UNC5D: variants seen among roughly 807,000 people sequenced by gnomAD.
The protein encoded by UNC5D is unc-5 netrin receptor D, also known as netrin receptor UNC5D.
In UNC5D, 39 loss-of-function variants were observed where a neutral mutation model predicts 105.4. The observed-to-expected ratio is 0.37, with a 90% CI of 0.29 to 0.48. UNC5D has a LOEUF of 0.48. Ranked by LOEUF, UNC5D falls within the 20% of genes least tolerant of loss-of-function variation. UNC5D has a pLI of 0.98. For synonymous variants in UNC5D, 452 were observed against 450.4 expected, an observed-to-expected ratio of 1.00 and a Z score of -0.04; for missense variants, 991 against 1,202.4, an observed-to-expected ratio of 0.82 and a Z score of 2.60.
chr8:35,429,969 A>G (rs1374372034), intron 1 of UNC5D, among the ~76,000 whole-genome samples: 1 of 152,110 alleles, frequency 6.6e-6, no homozygotes, highest in African/African-American at 2.4e-5. Context: ...TGATATTGTG[A>G]AATATATATT....
At chr8:35,291,802 A>C (rs1807086373) in intron 1 of UNC5D, among the ~76,000 whole-genome samples, 1 of 152,194 alleles carries the variant, frequency 6.6e-6, no homozygotes, top group African/African-American at 2.4e-5. Flanking sequence ...TCAGAGTGCC[A>C]CATTTTTTGT....
chr8:35,349,587 A>G (rs535182305), intron 1 of UNC5D, among the ~76,000 whole-genome samples: 1 of 152,114 alleles, frequency 6.6e-6, no homozygotes, highest in East Asian at 1.9e-4. Flanking sequence ...TAAAACAATT[A>G]TAGTCTCATT....
intron 3 of UNC5D, among the ~76,000 whole-genome samples, chr8:35,591,590 C>T (rs1055019367): frequency 6.6e-6 from 1 of 151,874 alleles, no homozygotes; most frequent in African/African-American, 2.4e-5. Flanking sequence ...TTTAAAATTC[C>T]TATTATATGT....
At chr8:35,767,171 A>C (rs750511755) in intron 15 of UNC5D, 105 bp downstream of exon 15, 16 of 1,317,896 alleles carry the variant, frequency 1.2e-5, no homozygotes, top group Non-Finnish European at 1.6e-5. Flanking sequence ...AAGAGCTTCA[A>C]AATGCACAAA....
intron 16 of UNC5D, among the ~76,000 whole-genome samples, chr8:35,782,730 C>G (rs1586638725): frequency 6.6e-6 from 1 of 152,072 alleles, no homozygotes; most frequent in Non-Finnish European, 1.5e-5. Flanking sequence ...GTCTTGAACT[C>G]CTGACCTCAT....
At chr8:35,687,986 G>C (rs1429175197) in intron 7 of UNC5D, among the ~76,000 whole-genome samples, 1 of 151,912 alleles carries the variant, frequency 6.6e-6, no homozygotes, top group Non-Finnish European at 1.5e-5. Flanking sequence ...AAAAAAATTA[G>C]CTGGGCGTGG....
intron 1 of UNC5D, among the ~76,000 whole-genome samples, chr8:35,467,808 AGT>A (rs1435637021): frequency 1.3e-5 from 2 of 152,080 alleles, no homozygotes; most frequent in East Asian, 3.9e-4. Flanking sequence ...GTAATCATGG[AGT>A]GTGTTTCTGA....
chr8:35,575,356 G>A (rs1374916444), intron 3 of UNC5D, among the ~76,000 whole-genome samples: 1 of 152,150 alleles, frequency 6.6e-6, no homozygotes, highest in African/African-American at 2.4e-5. Flanking sequence ...TTTGTTAGCT[G>A]TAGGTCATGA....
intron 1 of UNC5D, among the ~76,000 whole-genome samples, chr8:35,286,517 G>A (rs1006444381): frequency 6.6e-6 from 1 of 152,114 alleles, no homozygotes; most frequent in African/African-American, 2.4e-5. Context: ...CTAAGTTCTG[G>A]CGCTCACATG....
At chr8:35,705,183 C>A (rs1438529768) in intron 7 of UNC5D, among the ~76,000 whole-genome samples, 1 of 152,110 alleles carries the variant, frequency 6.6e-6, no homozygotes, top group Non-Finnish European at 1.5e-5. Flanking sequence ...CCAGGATGGT[C>A]TCGATCTCCT....
chr8:35,611,092 GTTCTTCC>G (rs1820650005), intron 4 of UNC5D, among the ~76,000 whole-genome samples: 3 of 144,628 alleles, frequency 2.1e-5, no homozygotes, highest in South Asian at 2.2e-4. Context: ...TTTGATTTCT[GTTCTTCC>G]TTCTTCCTTC....
chr8:35,712,003 T>G (rs2131488815), intron 8 of UNC5D, among the ~76,000 whole-genome samples: 1 of 152,276 alleles, frequency 6.6e-6, no homozygotes, highest in East Asian at 1.9e-4. Context: ...AAAAAGAAAA[T>G]TGGCCATGCC....
chr8:35,557,644 C>T (rs975047439), intron 2 of UNC5D, among the ~76,000 whole-genome samples: 14 of 152,202 alleles, frequency 9.2e-5, no homozygotes, highest in African/African-American at 2.6e-4. Context: ...ACTTCAAATG[C>T]GTGTGAGATA....
At chr8:35,750,000 A>AT (rs1830193096) in intron 12 of UNC5D, among the ~76,000 whole-genome samples, 1 of 151,740 alleles carries the variant, frequency 6.6e-6, no homozygotes, top group East Asian at 1.9e-4. Context: ...AAAAAAAAAA[A>AT]AGTTTGCTTA....
In UNC5D at chr8:35,335,756, A is replaced by ATTTTTTTTT. The variant is rs35774459; in HGVS notation, c.103+99886_103+99894dup. Among the ~76,000 whole-genome samples the ATTTTTTTTT allele has an allele frequency of 2.1e-3, 193 of 90,452 alleles. 10 individuals carry two copies. Among genetic ancestry groups the ATTTTTTTTT allele is most frequent in the African/African-American group, 7.8e-3 (176 of 22,668 alleles). The allele number at this position is 90,452 out of a possible 152,430, so 59.3% of individuals were successfully genotyped here. On this transcript the variant is annotated intron_variant, in intron 1 of 16. Coordinates refer to ENST00000404895, the MANE Select transcript of UNC5D (RefSeq NM_080872.4). ...GGATAGAATGAAATGAGAGATTGCA[A>ATTTTTTTTT]TTTTTTTTTTTTTTTTTTTTTTTTT...
chr8:35,493,281 C>CAAAAAAAAAAAAAA (rs35199794), intron 1 of UNC5D, among the ~76,000 whole-genome samples: 1 of 67,152 alleles, frequency 1.5e-5, no homozygotes. Flanking sequence ...AGTCTGTGAC[C>CAAAAAAAAAAAAAA]AAAAAAAAAA....
intron 1 of UNC5D, among the ~76,000 whole-genome samples, chr8:35,460,727 ATCTATC>A (rs1808826225): frequency 2.0e-5 from 3 of 152,122 alleles, no homozygotes; most frequent in African/African-American, 7.2e-5. Context: ...AATTTTCCTT[ATCTATC>A]TCTATCTGGC....
chr8:35,517,072 G>C (rs1482317001), intron 1 of UNC5D, among the ~76,000 whole-genome samples: 1 of 152,168 alleles, frequency 6.6e-6, no homozygotes, highest in Non-Finnish European at 1.5e-5. Flanking sequence ...TTAAAGCACT[G>C]ATTGAAGACT....
chr8:35,366,960 C>T (rs754245871), intron 1 of UNC5D, among the ~76,000 whole-genome samples: 28 of 152,184 alleles, frequency 1.8e-4, no homozygotes, highest in Admixed American at 6.5e-4. Flanking sequence ...AAGTGGGATA[C>T]GATTAATAAT....
Sources: gnomAD v4.1 joint callset for allele counts (sites outside exome capture counted in the v4.1 genomes callset) on GRCh38, gnomAD v4.1.1 for gene constraint, MANE v1.5 for transcripts, NCBI Gene and HGNC (gene_info 2026-07-23, HGNC 2026-07-21) for gene names.